Variants in TYW1B observed in about 807,000 individuals in gnomAD.
TYW1B encodes the protein S-adenosyl-L-methionine-dependent tRNA 4-demethylwyosine synthase TYW1B.
Under a neutral mutation model 86.9 loss-of-function variants are expected in TYW1B, and 73 were observed. That is an observed-to-expected ratio of 0.84 (90% CI 0.70 to 1.02). The LOEUF (loss-of-function observed/expected upper bound fraction) is 1.02, where lower values mean the gene tolerates loss of function less well. Among genes scored for constraint, TYW1B ranks in the 50% least tolerant of loss-of-function variants. TYW1B has a pLI of 0.00. For missense variants in TYW1B, 637 were observed against 827.4 expected, an observed-to-expected ratio of 0.77 and a Z score of 2.82; for synonymous variants, 248 against 292.8, an observed-to-expected ratio of 0.85 and a Z score of 1.56.
At chr7:72,594,760 C>T (rs1212186548) in intron 13 of TYW1B, among the ~76,000 whole-genome samples, 1 of 152,064 alleles carries the variant, frequency 6.6e-6, no homozygotes, top group Non-Finnish European at 1.5e-5. Context: ...CTCAAAACAC[C>T]AGCAAGCCAA....
chr7:72,817,241 T>C (rs1412466304), intron 2 of TYW1B, among the ~76,000 whole-genome samples: 1 of 151,848 alleles, frequency 6.6e-6, no homozygotes, highest in Non-Finnish European at 1.5e-5. Flanking sequence ...CCATCTCTAC[T>C]AAAAATACAA....
At chr7:72,663,541 G>A (rs1262854884) in intron 11 of TYW1B, among the ~76,000 whole-genome samples, 2 of 151,730 alleles carry the variant, frequency 1.3e-5, no homozygotes, top group South Asian at 2.1e-4. Flanking sequence ...GGCAGATCAC[G>A]AGGTCAGGAG....
chr7:72,802,570 A>G, intron 5 of TYW1B, 48 bp from the exon 6 acceptor site: 2 of 1,605,214 alleles, frequency 1.2e-6, no homozygotes, highest in Non-Finnish European at 1.7e-6. Flanking sequence ...GGGCAAAGGC[A>G]AAGTTCTCTC....
chr7:72,575,795 T>C (rs1208855907), intron 13 of TYW1B, 76 bp from the exon 14 acceptor site: 12 of 1,572,022 alleles, frequency 7.6e-6, no homozygotes, highest in Admixed American at 1.9e-5. Context: ...TTAAAAATCA[T>C]GAACAAGTCT....
In TYW1B at chr7:72,715,447, C is replaced by T. The variant is rs150172004; in HGVS notation, c.1193-1649G>A. Among the ~76,000 whole-genome samples the T allele has an allele frequency of 1.2e-3, 181 of 152,208 alleles. 1 individual carries two copies. Among genetic ancestry groups the T allele is most frequent in the African/African-American group, 4.3e-3 (178 of 41,536 alleles). ...ACTGCTCTTGACTCAATGTAGAAGG[C>T]ATTAAGAGATATGCTGTCCTAAAAG... On this transcript the variant is annotated intron_variant, in intron 9 of 13. Coordinates refer to ENST00000620995, the MANE Select transcript of TYW1B (RefSeq NM_001145440.3).
chr7:72,736,350 C>T (rs1196566046), intron 8 of TYW1B, among the ~76,000 whole-genome samples: 1 of 152,156 alleles, frequency 6.6e-6, no homozygotes, highest in African/African-American at 2.4e-5. Flanking sequence ...ATAAGCATGC[C>T]AGGGCAAATA....
intron 7 of TYW1B, among the ~76,000 whole-genome samples, chr7:72,749,913 T>TC (rs1491364796): frequency 2.3e-3 from 32 of 14,210 alleles, no homozygotes; most frequent in Middle Eastern, 0.062. Flanking sequence ...GTTTTTTTTG[T>TC]TTTTTTTTTT....
intron 7 of TYW1B, among the ~76,000 whole-genome samples, chr7:72,744,958 T>A (rs1370466867): frequency 6.6e-6 from 1 of 152,228 alleles, no homozygotes; most frequent in Non-Finnish European, 1.5e-5. Flanking sequence ...GCTGTCTGCC[T>A]ATGCAAGCAT....
intron 7 of TYW1B, among the ~76,000 whole-genome samples, chr7:72,775,182 A>G (rs1787933595): frequency 6.6e-6 from 1 of 152,102 alleles, no homozygotes. Context: ...GGTCAAATTC[A>G]AGCAGATTAT....
At chr7:72,577,537 CAG>C (rs1811050051) in intron 13 of TYW1B, among the ~76,000 whole-genome samples, 1 of 152,178 alleles carries the variant, frequency 6.6e-6, no homozygotes, top group African/African-American at 2.4e-5. Context: ...CTCGAAACTG[CAG>C]AGTCAAAGGT....
intron 12 of TYW1B, among the ~76,000 whole-genome samples, chr7:72,617,297 T>A (rs1388530308): frequency 6.6e-6 from 1 of 152,176 alleles, no homozygotes; most frequent in Non-Finnish European, 1.5e-5. Context: ...TTCCATTTTC[T>A]AGTATAATTG....
chr7:72,589,726 A>C (rs1811352876), intron 13 of TYW1B, among the ~76,000 whole-genome samples: 1 of 152,158 alleles, frequency 6.6e-6, no homozygotes, highest in African/African-American at 2.4e-5. Context: ...AAAATGCAAA[A>C]TCAGTCAGTT....
In TYW1B at chr7:72,798,402, AT is replaced by A. The variant is rs1420950637; in HGVS notation, c.846+3997del. On this transcript the variant is annotated intron_variant, in intron 6 of 13. Coordinates refer to ENST00000620995, the MANE Select transcript of TYW1B (RefSeq NM_001145440.3). ...CAAGACTCCGTCTCAAAAAAAAAAAATAAGTCGATATCAGCCTCCAAATAAA... is the reference window on the plus strand; with the variant it reads ...CAAGACTCCGTCTCAAAAAAAAAAAAAAGTCGATATCAGCCTCCAAATAAA... 2.5e-4 allele frequency among the ~76,000 whole-genome samples: 38 copies of A among 152,242 alleles called. No homozygotes were observed. The Middle Eastern group carries it at 0.01, about 41-fold the overall frequency.
intron 13 of TYW1B, among the ~76,000 whole-genome samples, chr7:72,607,422 A>AG: frequency 6.7e-6 from 1 of 149,952 alleles, no homozygotes; most frequent in East Asian, 2.0e-4. Flanking sequence ...AAAGAAGAAG[A>AG]AAGAAGAAAG....
At position 72,694,934 on chromosome 7, in the gene TYW1B, G is replaced by A. The variant is rs1304429976; in HGVS notation, c.1371-112C>T. On this transcript the variant is annotated intron_variant, in intron 10 of 13. Coordinates refer to ENST00000620995, the MANE Select transcript of TYW1B (RefSeq NM_001145440.3). ...TATTAAACACTTCACAGGGTCTAGA[G>A]ACTTCCACTTCCCCCAAAAGACTGA... is the stretch of plus-strand genomic sequence containing the variant. The A allele has an allele frequency of 4.4e-6, 5 of 1,133,370 alleles. 1 individual carries two copies. Among genetic ancestry groups the A allele is most frequent in the East Asian group, 5.7e-5 (2 of 34,796 alleles). The allele number at this position is 1,133,370 out of a possible 1,614,324, so 70.2% of individuals were successfully genotyped here.
intron 13 of TYW1B, among the ~76,000 whole-genome samples, chr7:72,614,766 T>C (rs1554436544): frequency 1.3e-5 from 2 of 152,008 alleles, no homozygotes; most frequent in African/African-American, 4.8e-5. Flanking sequence ...TTTATAAAAA[T>C]AAAAATAACT....
intron 11 of TYW1B, among the ~76,000 whole-genome samples, chr7:72,636,694 T>C (rs879989695): frequency 2.0e-5 from 3 of 152,228 alleles, no homozygotes; most frequent in Non-Finnish European, 4.4e-5. Flanking sequence ...AGCTTTCTTT[T>C]TTATTATGAC....
chr7:72,792,202 C>G (rs1788232362), intron 6 of TYW1B, among the ~76,000 whole-genome samples: 1 of 151,930 alleles, frequency 6.6e-6, no homozygotes, highest in African/African-American at 2.4e-5. Flanking sequence ...TGGCATGCAC[C>G]TGTAATCCCA....
chr7:72,728,695 G>C, intron 9 of TYW1B, 127 bp downstream of exon 9: 6 of 910,708 alleles, frequency 6.6e-6, no homozygotes, highest in Non-Finnish European at 6.6e-6. Flanking sequence ...TTCCTACGAA[G>C]TTTTCACTTC....
Sources: gnomAD v4.1 joint callset for allele counts (sites outside exome capture counted in the v4.1 genomes callset) on GRCh38, gnomAD v4.1.1 for gene constraint, MANE v1.5 for transcripts, NCBI Gene and HGNC (gene_info 2026-07-23, HGNC 2026-07-21) for gene names.